Variants in CAPN2 observed in about 807,000 individuals in gnomAD.
CAPN2 encodes the protein calpain-2 catalytic subunit.
In CAPN2, 92 loss-of-function variants were observed where a neutral mutation model predicts 102.3. The observed-to-expected ratio is 0.90, with a 90% confidence interval of 0.76 to 1.07. The LOEUF (loss-of-function observed/expected upper bound fraction) is 1.07, where lower values mean the gene tolerates loss of function less well. Among genes scored for constraint, CAPN2 ranks in the 50% least tolerant of loss-of-function variants. CAPN2 has a pLI of 0.00. For synonymous variants in CAPN2, 340 were observed against 355.4 expected (o/e 0.96, Z 0.49); for missense variants, 800 against 909.4 (o/e 0.88, Z 1.55).
chr1:223,730,110 G>A (rs904563159), intron 2 of CAPN2, among the ~76,000 whole-genome samples: 6 of 146,980 alleles, frequency 4.1e-5, no homozygotes, highest in African/African-American at 1.5e-4. Context: ...TTTTTATTAT[G>A]TAGATGAAGT....
intron 9 of CAPN2, among the ~76,000 whole-genome samples, 166 bp downstream of exon 9, chr1:223,753,122 C>CAA (rs3992808): frequency 3.3e-5 from 5 of 150,784 alleles, no homozygotes; most frequent in African/African-American, 1.2e-4. Context: ...TTTCTTTTCC[C>CAA]TGAGCCTTTT....
chr1:223,708,909 A>AG (rs1330519328), upstream of CAPN2, among the ~76,000 whole-genome samples: 6 of 149,214 alleles, frequency 4.0e-5, no homozygotes, highest in Admixed American at 1.3e-4. Context: ...AGAAAAGAAA[A>AG]AAAAAGAGAG....
rs28370141 is a variant in CAPN2, at chr1:223,765,407, G to A, written c.1691-960G>A. The stretch of plus-strand genomic sequence containing the variant: ...AATTTTCAGGGAAGGCAAGAAGATT[G>A]TGTTTACCCTGGAGGCCACCAGGCA... On this transcript the variant is annotated intron_variant, in intron 15 of 20. Coordinates refer to ENST00000295006, the MANE Select transcript of CAPN2 (RefSeq NM_001748.5). Among the ~76,000 whole-genome samples the A allele has an allele frequency of 2.9e-3, 439 of 152,330 alleles. 1 individual carries two copies. Among genetic ancestry groups the A allele is most frequent in the African/African-American group, 9.9e-3 (411 of 41,578 alleles).
chr1:223,734,911 C>T (rs1162083127), intron 2 of CAPN2, among the ~76,000 whole-genome samples: 2 of 152,124 alleles, frequency 1.3e-5, no homozygotes, highest in African/African-American at 4.8e-5. Flanking sequence ...TTCCCCAGGT[C>T]ACAGTCAGGA....
chr1:223,747,234 C>T (rs1660772233), intron 5 of CAPN2, 69 bp downstream of exon 5: 1 of 1,454,694 alleles, frequency 6.9e-7, no homozygotes, highest in Non-Finnish European at 9.3e-7. Context: ...CCACAGTGCC[C>T]AAGGGAACCC....
intron 14 of CAPN2, among the ~76,000 whole-genome samples, chr1:223,762,600 G>GA (rs1239310254): frequency 6.6e-6 from 1 of 152,210 alleles, no homozygotes; most frequent in African/African-American, 2.4e-5. Flanking sequence ...GATTTGGAGA[G>GA]ATGGAAGGGT....
intron 16 of CAPN2, among the ~76,000 whole-genome samples, chr1:223,767,199 A>T (rs1056011706): frequency 8.8e-5 from 11 of 124,960 alleles, no homozygotes; most frequent in East Asian, 2.0e-4. Context: ...TTTATTTTTT[A>T]TTATTATACT....
upstream of CAPN2, among the ~76,000 whole-genome samples, chr1:223,708,241 G>A (rs1216481657): frequency 6.6e-6 from 1 of 152,248 alleles, no homozygotes; most frequent in African/African-American, 2.4e-5. Flanking sequence ...GGTGGTGGAC[G>A]GTGGTACCTG....
chr1:223,768,060 G>C (rs1484397218), intron 16 of CAPN2, among the ~76,000 whole-genome samples: 1 of 151,646 alleles, frequency 6.6e-6, no homozygotes, highest in Non-Finnish European at 1.5e-5. Context: ...TTGTAAATTT[G>C]TTGGAGTTCA....
chr1:223,703,658 G>A (rs1659535521), intron 1 of CAPN2, among the ~76,000 whole-genome samples: 1 of 152,210 alleles, frequency 6.6e-6, no homozygotes, highest in Non-Finnish European at 1.5e-5. Flanking sequence ...TAAGGCTTAT[G>A]TTATGGGCTG....
At chr1:223,749,321 C>G in intron 6 of CAPN2, 199 bp downstream of exon 6, 1 of 596,466 alleles carries the variant, frequency 1.7e-6, no homozygotes, top group South Asian at 2.0e-5. Context: ...GCGCTGCCAC[C>G]TGGTGGCCGC....
chr1:223,769,297 T>G (rs1034763854), intron 16 of CAPN2, among the ~76,000 whole-genome samples: 3 of 152,008 alleles, frequency 2.0e-5, no homozygotes, highest in Non-Finnish European at 4.4e-5. Context: ...ATTTTTCTAT[T>G]TTTAGTAGAG....
intron 11 of CAPN2, 92 bp downstream of exon 11, chr1:223,757,472 C>A (rs1661065590): frequency 1.4e-6 from 2 of 1,426,986 alleles, no homozygotes; most frequent in Non-Finnish European, 2.0e-6. Flanking sequence ...GAAGCCCGGG[C>A]AGGGGCTGGT....
rs1407051637 is a variant in CAPN2, at chr1:223,759,485, G to A, written c.1529+4G>A. On this transcript the variant is annotated splice_donor_region_variant and intron_variant, in intron 12 of 20. Transcript: ENST00000295006. The surrounding 1 kb of genome is among the most constrained non-coding windows in gnomAD (Gnocchi z 4.6). ...CTGAAAAGAAAGCTGACTACCAGTA[G>A]GCGGTTTGGTCCCTTCCTCTCCCCA... The A allele has an allele frequency of 1.2e-6, 2 of 1,613,330 alleles. No homozygotes were observed. Among genetic ancestry groups the A allele is most frequent in the Admixed American group, 1.7e-5 (1 of 59,998 alleles).
At chr1:223,750,653 G>A (rs138040709) in intron 6 of CAPN2, among the ~76,000 whole-genome samples, 11 of 152,292 alleles carry the variant, frequency 7.2e-5, no homozygotes, top group Admixed American at 3.9e-4. Context: ...CTCGAGAGCC[G>A]GATCCTGGGA....
At chr1:223,716,415 G>A (rs1359766026) in intron 1 of CAPN2, among the ~76,000 whole-genome samples, 1 of 152,160 alleles carries the variant, frequency 6.6e-6, no homozygotes, top group East Asian at 1.9e-4. Context: ...CTTGGGCCAA[G>A]CTGGCTTCCT....
chr1:223,737,852 C>T (rs768546208), intron 2 of CAPN2, among the ~76,000 whole-genome samples: 1 of 151,954 alleles, frequency 6.6e-6, no homozygotes, highest in African/African-American at 2.4e-5. Context: ...TCAAAAGCAC[C>T]TTAGGGGCTA....
intron 14 of CAPN2, 65 bp downstream of exon 14, chr1:223,762,316 C>T: frequency 1.6e-6 from 2 of 1,275,238 alleles, no homozygotes; most frequent in East Asian, 2.3e-5. Context: ...AGTGTGTGTC[C>T]CCAAGGGGAC....
rs528865357 is a variant in CAPN2 at position 223,764,069 on chromosome 1, C to A, written c.1633-81C>A. On this transcript the variant is annotated intron_variant, in intron 14 of 20. Coordinates refer to ENST00000295006, the MANE Select transcript of CAPN2 (RefSeq NM_001748.5). ...ATTCATAGGCCCCACCGCAGGCCTACCTAATGCACTGGTGTCCTGCCCTGT... is the reference window on the plus strand; with the variant it reads ...ATTCATAGGCCCCACCGCAGGCCTAACTAATGCACTGGTGTCCTGCCCTGT... 4 of 1,105,160 alleles carry A rather than the reference C, an allele frequency of 3.6e-6. No homozygotes were observed. In the African/African-American group the frequency reaches 6.1e-5, roughly 17 times the overall value. 68.5% of individuals were successfully genotyped at this position (1,105,160 alleles called of 1,614,324 possible). A position where few individuals can be genotyped will look rare whatever the true frequency, so the allele number is the denominator to read the frequency against.
Sources: allele counts gnomAD v4.1 joint callset (sites outside exome capture counted in the v4.1 genomes callset), GRCh38; gene constraint gnomAD v4.1.1; non-coding constraint Gnocchi (gnomAD v3.1); transcripts MANE v1.5; gene names NCBI Gene and HGNC (gene_info 2026-07-23, HGNC 2026-07-21).